Variants in ALDH1L1 observed in about 807,000 individuals in gnomAD.
The protein encoded by ALDH1L1 is cytosolic 10-formyltetrahydrofolate dehydrogenase.
Under a neutral mutation model 101.1 loss-of-function variants are expected in ALDH1L1, and 68 were observed. The ratio of observed to expected loss-of-function variants is 0.67; its 90% CI spans 0.55 to 0.82. The LOEUF is 0.82. ALDH1L1 is among the 40% of genes least tolerant of loss of function. The pLI is 0.00. For synonymous variants in ALDH1L1, 486 were observed against 470.8 expected (o/e 1.03, Z -0.42); for missense variants, 1,087 against 1,172.7 (o/e 0.93, Z 1.07).
intron 20 of ALDH1L1, 24 bp from the exon 21 acceptor site, chr3:126,107,270 T>C: frequency 6.3e-7 from 1 of 1,592,332 alleles, no homozygotes. Flanking sequence ...AAAAGCCCGT[T>C]GCACATGGGA....
chr3:126,179,498 T>TCAAACAAACAAACAAACAAACAAA (rs74555685), intron 1 of ALDH1L1, among the ~76,000 whole-genome samples: 21 of 151,622 alleles, frequency 1.4e-4, no homozygotes, highest in African/African-American at 5.1e-4. Flanking sequence ...AGACTCTGTC[T>TCAAACAAACAAACAAACAAACAAA]CAAACAAACA....
At chr3:126,188,170 G>T (rs1427147934) in intron 1 of ALDH1L1, among the ~76,000 whole-genome samples, 1 of 152,176 alleles carries the variant, frequency 6.6e-6, no homozygotes, top group Non-Finnish European at 1.5e-5. Flanking sequence ...TTGATCCTTG[G>T]ACAACGCAGG....
chr3:126,167,778 C>T (rs918414152), intron 1 of ALDH1L1, among the ~76,000 whole-genome samples: 2 of 152,100 alleles, frequency 1.3e-5, no homozygotes, highest in Non-Finnish European at 2.9e-5. Flanking sequence ...TTTGCTCCCA[C>T]CTGTTCAGTA....
intron 1 of ALDH1L1, among the ~76,000 whole-genome samples, chr3:126,167,076 C>T (rs1339666884): frequency 6.6e-6 from 1 of 152,082 alleles, no homozygotes; most frequent in African/African-American, 2.4e-5. Flanking sequence ...TACGTAGGTT[C>T]AGTCAAATCC....
chr3:126,141,283 T>C (rs190724322), intron 9 of ALDH1L1, among the ~76,000 whole-genome samples: 251 of 152,206 alleles, frequency 1.6e-3, no homozygotes, highest in Non-Finnish European at 2.7e-3. Flanking sequence ...TCTACAATAG[T>C]AGTTAGCTAC....
At chr3:126,167,951 A>G (rs562627452) in intron 1 of ALDH1L1, among the ~76,000 whole-genome samples, 1 of 152,324 alleles carries the variant, frequency 6.6e-6, no homozygotes, top group African/African-American at 2.4e-5. Context: ...TTTACCTTAA[A>G]GTTAAAAATT....
At chr3:126,122,953 C>T (rs993936586) in intron 16 of ALDH1L1, among the ~76,000 whole-genome samples, 6 of 152,070 alleles carry the variant, frequency 3.9e-5, no homozygotes, top group Admixed American at 2.6e-4. Context: ...AAATGGTAAA[C>T]CCACTGTATC....
At chr3:126,140,835 T>A (rs1032404051) in intron 9 of ALDH1L1, among the ~76,000 whole-genome samples, 1 of 149,530 alleles carries the variant, frequency 6.7e-6, no homozygotes, top group Non-Finnish European at 1.5e-5. Context: ...ACAAAAAAAA[T>A]TACCAAATAC....
At chr3:126,168,917 T>C (rs1054410186) in intron 1 of ALDH1L1, among the ~76,000 whole-genome samples, 7 of 152,172 alleles carry the variant, frequency 4.6e-5, no homozygotes, top group African/African-American at 1.7e-4. Context: ...GTCAATTGTG[T>C]TTCTAACAGT....
rs137980253 is a variant in ALDH1L1 at position 126,148,645 on chromosome 3, G to A, written c.985-1719C>T. Among the ~76,000 whole-genome samples, 114 of 152,208 alleles carry A rather than the reference G, an allele frequency of 7.5e-4. No homozygotes were observed. In the East Asian group the frequency reaches 0.011, roughly 14 times the overall value. ...ACTTGAGCCCAGCCCTCCAGAGCCCGGACTCCACTCCTCAGGCCTTGGCTC... is the reference window on the plus strand; with the variant it reads ...ACTTGAGCCCAGCCCTCCAGAGCCCAGACTCCACTCCTCAGGCCTTGGCTC... On this transcript the variant is annotated intron_variant, in intron 8 of 22. Coordinates refer to ENST00000393434, the MANE Select transcript of ALDH1L1 (RefSeq NM_012190.4).
intron 14 of ALDH1L1, among the ~76,000 whole-genome samples, chr3:126,127,412 C>T (rs73859018): frequency 0.036 from 5,416 of 152,294 alleles, 291 homozygotes; most frequent in African/African-American, 0.11. Flanking sequence ...CCCTCCCTCC[C>T]TTGGGGCCAT....
At chr3:126,174,509 T>C (rs916770312) in intron 1 of ALDH1L1, among the ~76,000 whole-genome samples, 1 of 152,202 alleles carries the variant, frequency 6.6e-6, no homozygotes, top group Non-Finnish European at 1.5e-5. Context: ...TTCTGTGCCA[T>C]AAAACATACA....
intron 8 of ALDH1L1, among the ~76,000 whole-genome samples, chr3:126,149,170 T>C (rs917929310): frequency 5.9e-5 from 9 of 152,394 alleles, no homozygotes; most frequent in Middle Eastern, 6.8e-3. Flanking sequence ...CTGAGAACTT[T>C]TGTCCACAGT....
chr3:126,157,309 G>A, intron 4 of ALDH1L1, 34 bp downstream of exon 4: 16 of 1,592,126 alleles, frequency 1.0e-5, no homozygotes, highest in Non-Finnish European at 1.4e-5. Context: ...GGTGCGTCGG[G>A]GCGGGCAGGG....
intron 1 of ALDH1L1, among the ~76,000 whole-genome samples, chr3:126,190,347 T>C (rs1324856191): frequency 1.3e-5 from 2 of 152,218 alleles, no homozygotes; most frequent in Non-Finnish European, 2.9e-5. Context: ...TTAGCAATTT[T>C]AGAACAATCA....
intron 1 of ALDH1L1, among the ~76,000 whole-genome samples, chr3:126,179,299 C>A (rs2081425523): frequency 6.6e-6 from 1 of 152,246 alleles, no homozygotes; most frequent in African/African-American, 2.4e-5. Context: ...AGCTTCTAGT[C>A]CCTGTGAGGC....
chr3:126,173,533 G>A (rs2081320270), intron 1 of ALDH1L1, among the ~76,000 whole-genome samples: 1 of 152,138 alleles, frequency 6.6e-6, no homozygotes, highest in Non-Finnish European at 1.5e-5. Context: ...AGAAAAAAGT[G>A]TGGAAGAAAA....
rs3772425 is a variant in ALDH1L1 at position 126,110,994 on chromosome 3, C to T, written c.2182-885G>A. The stretch of plus-strand genomic sequence containing the variant: ...TGGAAGTCTCATGACTCCCTTAAGA[C>T]CCCCAGACAGGACCTTGTGTGCACA... On this transcript the variant is annotated intron_variant, in intron 19 of 22. Transcript: ENST00000393434. Among the ~76,000 whole-genome samples the T allele has an allele frequency of 3.8e-4, 58 of 152,296 alleles. No homozygotes were observed. In the East Asian group the frequency reaches 0.01, roughly 27 times the overall value.
rs776419452 is a variant in ALDH1L1, at chr3:126,158,458, G to C, written c.309C>G (p.Ile103Met). The C allele has an allele frequency of 2.5e-6, 4 of 1,613,330 alleles. No homozygotes were observed. Among genetic ancestry groups the C allele is most frequent in the East Asian group, 4.5e-5 (2 of 44,874 alleles). Reference protein sequence around the residue: ...EIISAPRHGSIIYHPSLLPRH... With the variant: ...EIISAPRHGSMIYHPSLLPRH... Reference sequence around the variant, plus strand: ...TAGGGAGCAGTGACGGGTGATAGATGATGGAGCCATGCCGGGGGGCACTGA... The same window carrying C: ...TAGGGAGCAGTGACGGGTGATAGATCATGGAGCCATGCCGGGGGGCACTGA... The change falls in exon 3 of 23, where the codon ATC becomes ATG. Residue 103 changes from isoleucine (I) to methionine (M), a missense_variant. Around this residue, in one of 2 missense-constraint regions of ALDH1L1, gnomAD observed 645 missense variants for 637.0 expected, o/e 1.01. Transcript: ENST00000393434.
Sources: allele counts gnomAD v4.1 joint callset (sites outside exome capture counted in the v4.1 genomes callset), GRCh38; gene constraint gnomAD v4.1.1; regional missense constraint gnomAD v4.1.1; transcripts MANE v1.5; gene names NCBI Gene and HGNC (gene_info 2026-07-23, HGNC 2026-07-21).